Variants in VGLL4 observed in about 807,000 individuals in gnomAD.
The protein encoded by VGLL4 is vestigial like family member 4.
VGLL4 carries 7 observed loss-of-function variants against 21.0 expected under a neutral mutation model. The observed-to-expected ratio is 0.33, with a 90% CI of 0.19 to 0.63. VGLL4 has a LOEUF of 0.63. VGLL4 is among the 20% of genes least tolerant of loss of function. VGLL4 has a pLI of 0.78. For missense variants in VGLL4, 394 were observed against 425.7 expected (o/e 0.93, Z 0.66); for synonymous variants, 222 against 173.2 (o/e 1.28, Z -2.21).
intron 2 of VGLL4, among the ~76,000 whole-genome samples, chr3:11,588,532 G>C (rs1033906441): frequency 6.6e-5 from 10 of 152,214 alleles, no homozygotes; most frequent in Non-Finnish European, 1.3e-4. Flanking sequence ...TCCAAGCAGA[G>C]ATGAATACTT....
intron 1 of VGLL4, among the ~76,000 whole-genome samples, chr3:11,618,864 G>A (rs867413471): frequency 2.0e-4 from 31 of 152,230 alleles, no homozygotes; most frequent in African/African-American, 7.0e-4. Flanking sequence ...TGGGGATGTT[G>A]CTTACTTTTC....
intron 1 of VGLL4, among the ~76,000 whole-genome samples, chr3:11,705,721 G>A (rs1314133037): frequency 6.6e-6 from 1 of 152,188 alleles, no homozygotes; most frequent in Non-Finnish European, 1.5e-5. Context: ...ATTTGGTCGA[G>A]ACCATCCTGG....
intron 2 of VGLL4, among the ~76,000 whole-genome samples, chr3:11,662,276 G>C (rs974327372): frequency 6.6e-6 from 1 of 152,124 alleles, no homozygotes; most frequent in Non-Finnish European, 1.5e-5. Flanking sequence ...TCAGCTATGT[G>C]AATCACTAAA....
At chr3:11,661,950 G>A (rs1303024663) in intron 2 of VGLL4, among the ~76,000 whole-genome samples, 2 of 152,212 alleles carry the variant, frequency 1.3e-5, no homozygotes, top group Non-Finnish European at 1.5e-5. Context: ...CAGCAATAAA[G>A]GAAGTGGAGA....
At chr3:11,573,721 TACTG>T (rs1266880725) in intron 2 of VGLL4, among the ~76,000 whole-genome samples, 1 of 152,240 alleles carries the variant, frequency 6.6e-6, no homozygotes, top group African/African-American at 2.4e-5. Flanking sequence ...TTCATACACT[TACTG>T]ACCATTCTAC....
intron 2 of VGLL4, among the ~76,000 whole-genome samples, chr3:11,689,859 C>T (rs972262059): frequency 6.6e-6 from 1 of 152,192 alleles, no homozygotes; most frequent in Non-Finnish European, 1.5e-5. Context: ...GGGACAAACA[C>T]CAAATCTGCC....
At chr3:11,634,594 G>A (rs947373665) in intron 1 of VGLL4, among the ~76,000 whole-genome samples, 1 of 152,094 alleles carries the variant, frequency 6.6e-6, no homozygotes, top group African/African-American at 2.4e-5. Context: ...TACTCACCCC[G>A]AGGAGCTCCA....
At position 11,559,384 on chromosome 3, in the gene VGLL4, C is replaced by T. The variant is rs886614682; in HGVS notation, c.567G>A (p.Ala189=). 10 of 1,556,468 alleles carry T rather than the reference C, an allele frequency of 6.4e-6. No individual in the cohort carries two copies. The Admixed American group carries it at 1.2e-4, about 18-fold the overall frequency. The change falls in exon 4 of 5, where the codon GCG becomes GCA. Residue 189 remains alanine (A), a synonymous_variant. Transcript: ENST00000430365. ...RNCNLSHCPI[A]HSGCAAPGPA... ...GCCCGGGCGCGGCACAGCCGCTGTG[C>T]GCGATGGGGCAGTGCGAGAGGTTGC... is the stretch of plus-strand genomic sequence containing the variant.
At chr3:11,602,917 TG>T (rs1322072838) in intron 1 of VGLL4, among the ~76,000 whole-genome samples, 1 of 152,202 alleles carries the variant, frequency 6.6e-6, no homozygotes, top group Non-Finnish European at 1.5e-5. Context: ...CTAAGTCACA[TG>T]GGGGGAGCAC....
At chr3:11,656,643 G>C (rs973751505) in intron 2 of VGLL4, among the ~76,000 whole-genome samples, 1 of 152,158 alleles carries the variant, frequency 6.6e-6, no homozygotes, top group Non-Finnish European at 1.5e-5. Context: ...ATTCTCGAGG[G>C]GAGGGAGAGC....
intron 1 of VGLL4, among the ~76,000 whole-genome samples, chr3:11,622,532 T>A (rs2075282132): frequency 6.6e-6 from 1 of 152,244 alleles, no homozygotes. Context: ...CATGCTAGAA[T>A]GCTCCTCAAT....
At chr3:11,605,853 CT>C (rs1247155836) in intron 1 of VGLL4, among the ~76,000 whole-genome samples, 4 of 152,066 alleles carry the variant, frequency 2.6e-5, no homozygotes, top group African/African-American at 7.2e-5. Flanking sequence ...GTTTAAAGAT[CT>C]ATTTAAAAAT....
chr3:11,702,806 G>A, intron 2 of VGLL4: 1 of 424,862 alleles, frequency 2.4e-6, no homozygotes. Context: ...ACATGTTCTT[G>A]AAAATACAAA....
intron 1 of VGLL4, among the ~76,000 whole-genome samples, chr3:11,641,516 A>G (rs1255092429): frequency 1.3e-5 from 2 of 152,184 alleles, no homozygotes; most frequent in African/African-American, 4.8e-5. Context: ...TGGAGTTCAG[A>G]CCAGATGTGT....
At chr3:11,648,298 G>A (rs1359933664), upstream of VGLL4, among the ~76,000 whole-genome samples, 1 of 152,068 alleles carries the variant, frequency 6.6e-6, no homozygotes, top group Non-Finnish European at 1.5e-5. Context: ...GGGAAGAAGT[G>A]GATTACAAAA....
At chr3:11,621,443 G>A (rs1368051541) in intron 1 of VGLL4, among the ~76,000 whole-genome samples, 1 of 150,148 alleles carries the variant, frequency 6.7e-6, no homozygotes, top group Admixed American at 6.6e-5. Context: ...TGTCTTTTGT[G>A]TCTGGTTCTT....
At chr3:11,581,438 C>T (rs1419838040) in intron 2 of VGLL4, among the ~76,000 whole-genome samples, 1 of 152,166 alleles carries the variant, frequency 6.6e-6, no homozygotes, top group East Asian at 1.9e-4. Flanking sequence ...GGGTCCTCAT[C>T]TGTGCAGGCA....
chr3:11,657,116 C>A (rs938708098), intron 2 of VGLL4, among the ~76,000 whole-genome samples: 3 of 152,166 alleles, frequency 2.0e-5, no homozygotes, highest in Admixed American at 6.5e-5. Flanking sequence ...CAGGCCATAA[C>A]CTTTGCTAGC....
chr3:11,622,194 G>A (rs576941652), intron 1 of VGLL4, among the ~76,000 whole-genome samples: 2 of 152,174 alleles, frequency 1.3e-5, no homozygotes, highest in African/African-American at 4.8e-5. Flanking sequence ...CTTTTACAAA[G>A]CTTACGAATT....
Sources: gnomAD v4.1 joint callset for allele counts (sites outside exome capture counted in the v4.1 genomes callset) on GRCh38, gnomAD v4.1.1 for gene constraint, MANE v1.5 for transcripts, NCBI Gene and HGNC (gene_info 2026-07-23, HGNC 2026-07-21) for gene names.